The following RAB11FIP3 variants were observed in gnomAD, a reference collection of about 807,000 sequenced individuals.
RAB11FIP3 encodes rab11 family-interacting protein 3.
RAB11FIP3 carries 17 observed loss-of-function variants against 77.8 expected under a neutral mutation model. The observed-to-expected ratio is 0.22, with a 90% CI of 0.15 to 0.33. RAB11FIP3 has a LOEUF of 0.33. Among genes scored for constraint, RAB11FIP3 ranks in the 10% least tolerant of loss-of-function variants. RAB11FIP3 has a pLI of 1.00. For missense variants in RAB11FIP3, 1,005 were observed against 1,011.2 expected (o/e 0.99, Z 0.08); for synonymous variants, 437 against 448.2 (o/e 0.98, Z 0.31).
intron 5 of RAB11FIP3, among the ~76,000 whole-genome samples, chr16:492,215 G>A (rs2030283752): frequency 6.6e-6 from 1 of 152,172 alleles, no homozygotes; most frequent in Admixed American, 6.5e-5. Context: ...CTTATGTTCT[G>A]TGAAATGCTG....
At chr16:515,644 G>A (rs1369719004) in intron 9 of RAB11FIP3, among the ~76,000 whole-genome samples, 2 of 150,768 alleles carry the variant, frequency 1.3e-5, no homozygotes, top group East Asian at 2.0e-4. Context: ...GCAGCCACAC[G>A]GGCGACACAC....
At chr16:453,468 A>T (rs1332602131) in intron 1 of RAB11FIP3, 1 of 152,168 alleles carries the variant, frequency 6.6e-6, no homozygotes, top group Admixed American at 6.6e-5. Context: ...ATGTCAGACC[A>T]GCACAGTGCT....
intron 1 of RAB11FIP3, among the ~76,000 whole-genome samples, chr16:449,919 C>G (rs1007861659): frequency 6.6e-6 from 1 of 151,988 alleles, no homozygotes; most frequent in East Asian, 1.9e-4. Flanking sequence ...CCACTGCACT[C>G]TAGCCTGGGC....
At chr16:518,421 G>A (rs1351967355) in intron 9 of RAB11FIP3, among the ~76,000 whole-genome samples, 3 of 151,128 alleles carry the variant, frequency 2.0e-5, no homozygotes, top group Non-Finnish European at 4.4e-5. Flanking sequence ...AAAACCCAAA[G>A]TATATTAAAA....
Position 492,425 on chromosome 16 carries a change from C to CCCGGGAGACCCAAGGCCGCCCAGGGCCCT in RAB11FIP3, c.1265+3427_1265+3428insGGGAGACCCAAGGCCGCCCAGGGCCCTCC, listed in dbSNP as rs2030511213. On this transcript the variant is annotated intron_variant, in intron 5 of 13. Coordinates refer to ENST00000262305, the MANE Select transcript of RAB11FIP3 (RefSeq NM_014700.4). ...GAGACCCGAGGCCGCCCAGGGCCCT[C>CCCGGGAGACCCAAGGCCGCCCAGGGCCCT]CCCGGGAGACCCGAGGCCGCCCAGG... is the stretch of plus-strand genomic sequence containing the variant. Among the ~76,000 whole-genome samples the CCCGGGAGACCCAAGGCCGCCCAGGGCCCT allele has an allele frequency of 6.9e-5, 3 of 43,226 alleles. 1 individual carries two copies. The highest frequency in any genetic ancestry group is 5.1e-4 in the South Asian group (1 of 1,972). 28.4% of individuals were successfully genotyped at this position (43,226 alleles called of 152,430 possible).
In RAB11FIP3 at chr16:427,180, A is replaced by T. The variant is rs1413319691; in HGVS notation, c.714+460A>T. Among the ~76,000 whole-genome samples, 9 of 152,350 alleles carry T rather than the reference A, an allele frequency of 5.9e-5. No homozygotes were observed. The East Asian group carries it at 1.5e-3, about 26-fold the overall frequency. Reference sequence around the variant, plus strand: ...GGCTGCCCAGACGCCTTGAGATCCTACTGATAGACACCTATTTTGAGTACA... The same window carrying T: ...GGCTGCCCAGACGCCTTGAGATCCTTCTGATAGACACCTATTTTGAGTACA... On this transcript the variant is annotated intron_variant, in intron 1 of 13. Transcript: ENST00000262305.
Position 506,279 on chromosome 16 carries a change from T to G in RAB11FIP3, c.1499+652T>G, listed in dbSNP as rs1455897837. On this transcript the variant is annotated intron_variant, in intron 8 of 13. Coordinates refer to ENST00000262305, the MANE Select transcript of RAB11FIP3 (RefSeq NM_014700.4). This position sits in a 1 kb window ranked among gnomAD's most constrained non-coding sequence, Gnocchi z 4.5. ...TCTCATAGCCGATTTGCAGGACTGT[T>G]TCCGGTGCAAAGTAAGATGAGCTTG... Among the ~76,000 whole-genome samples the G allele has an allele frequency of 6.6e-6, 1 of 152,106 alleles. No individual in the cohort carries two copies. Among genetic ancestry groups the G allele is most frequent in the Non-Finnish European group, 1.5e-5 (1 of 68,008 alleles).
At chr16:480,065 T>C (rs1388949734) in intron 3 of RAB11FIP3, among the ~76,000 whole-genome samples, 1 of 152,132 alleles carries the variant, frequency 6.6e-6, no homozygotes, top group Non-Finnish European at 1.5e-5. Context: ...GGCAGGTGGA[T>C]CACCTGAGGT....
chr16:443,340 A>T (rs776749132), intron 1 of RAB11FIP3, among the ~76,000 whole-genome samples: 1 of 152,258 alleles, frequency 6.6e-6, no homozygotes, highest in African/African-American at 2.4e-5. Context: ...AAATAAAAAC[A>T]TGCAAAAGAA....
Position 522,412 on chromosome 16 carries a change from C to T in RAB11FIP3, c.*1573C>T, listed in dbSNP as rs2032742987. ...GGGAAACGCTCCTGCTTTAATTCCC[C>T]GAGAAACGGCTCTTCCTGCCTGGAT... On this transcript the variant is annotated 3_prime_UTR_variant, in exon 14 of 14. Transcript: ENST00000262305. 3 of 152,144 alleles carry T rather than the reference C, an allele frequency of 2.0e-5. No individual in the cohort carries two copies. Among genetic ancestry groups the T allele is most frequent in the South Asian group, 2.1e-4 (1 of 4,816 alleles). 9.4% of individuals were successfully genotyped at this position (152,144 alleles called of 1,614,324 possible).
In RAB11FIP3 at chr16:446,249, C is replaced by T. The variant is rs539931109; in HGVS notation, c.715-15155C>T. ...CAGCCTGGGCAGCATAGTGAAACCC[C>T]GTGTCTTTGAAATAATAAAATAAAG... On this transcript the variant is annotated intron_variant, in intron 1 of 13. Coordinates refer to ENST00000262305, the MANE Select transcript of RAB11FIP3 (RefSeq NM_014700.4). Among the ~76,000 whole-genome samples the T allele has an allele frequency of 2.6e-5, 4 of 152,140 alleles. No homozygotes were observed. The South Asian group carries it at 6.2e-4, about 24-fold the overall frequency.
intron 4 of RAB11FIP3, among the ~76,000 whole-genome samples, chr16:483,779 C>T: frequency 6.6e-6 from 1 of 152,110 alleles, no homozygotes; most frequent in East Asian, 1.9e-4. Context: ...GTCTCCACAG[C>T]CCCTTATCTT....
chr16:473,872 C>T (rs1239620762), intron 3 of RAB11FIP3, among the ~76,000 whole-genome samples: 1 of 152,202 alleles, frequency 6.6e-6, no homozygotes, highest in African/African-American at 2.4e-5. Context: ...ACACCAGCCC[C>T]CACAACCACC....
At chr16:519,724 C>G in intron 10 of RAB11FIP3, 30 bp from the exon 11 acceptor site, 1 of 1,607,084 alleles carries the variant, frequency 6.2e-7, no homozygotes, top group Non-Finnish European at 8.5e-7. Flanking sequence ...GTGCGTGACC[C>G]GCATCCAGGG....
Position 426,811 on chromosome 16 carries a change from A to C in RAB11FIP3, c.714+91A>C. The C allele has an allele frequency of 9.3e-7, 1 of 1,080,518 alleles. No homozygotes were observed. Among genetic ancestry groups the C allele is most frequent in the Non-Finnish European group, 1.3e-6 (1 of 778,648 alleles). The allele number at this position is 1,080,518 out of a possible 1,614,324, so 66.9% of individuals were successfully genotyped here. A position where few individuals can be genotyped will look rare whatever the true frequency, so the allele number is the denominator to read the frequency against. ...TGGGACCGGTCGACGCTGCCCCTGG[A>C]GTCGGGAAAGGCACTGTCAAGACCT... On this transcript the variant is annotated intron_variant, in intron 1 of 13. Transcript: ENST00000262305. The surrounding 1 kb of genome is among the most constrained non-coding windows in gnomAD (Gnocchi z 5.0).
intron 13 of RAB11FIP3, 52 bp downstream of exon 13, chr16:520,651 G>A (rs1468469171): frequency 1.2e-6 from 2 of 1,610,680 alleles, no homozygotes; most frequent in Non-Finnish European, 1.7e-6. Flanking sequence ...AGTCTGCACT[G>A]TCTGTGCGCT....
chr16:446,647 A>G (rs896369764), intron 1 of RAB11FIP3, among the ~76,000 whole-genome samples: 3 of 152,122 alleles, frequency 2.0e-5, no homozygotes, highest in Non-Finnish European at 4.4e-5. Context: ...AGCACACTTC[A>G]GTGTGAGGAC....
chr16:449,820 G>A (rs1486249125), intron 1 of RAB11FIP3, among the ~76,000 whole-genome samples: 1 of 151,662 alleles, frequency 6.6e-6, no homozygotes, highest in Admixed American at 6.6e-5. Context: ...GCGTGATGGC[G>A]GGCATCTGTA....
At chr16:428,911 A>T (rs1284833112) in intron 1 of RAB11FIP3, among the ~76,000 whole-genome samples, 1 of 152,106 alleles carries the variant, frequency 6.6e-6, no homozygotes, top group African/African-American at 2.4e-5. Context: ...CTCTTGATGA[A>T]ATTCGAAGGT....
Sources: gnomAD v4.1 joint callset for allele counts (sites outside exome capture counted in the v4.1 genomes callset) on GRCh38, gnomAD v4.1.1 for gene constraint, Gnocchi (gnomAD v3.1) non-coding constraint, MANE v1.5 for transcripts, NCBI Gene and HGNC (gene_info 2026-07-23, HGNC 2026-07-21) for gene names.